Variants in CMTM8 observed in about 807,000 individuals in gnomAD.
CMTM8 encodes the protein CKLF-like MARVEL transmembrane domain-containing protein 8.
Under a neutral mutation model 18.6 loss-of-function variants are expected in CMTM8, and 12 were observed. That is an observed-to-expected ratio of 0.65 (90% CI 0.41 to 1.05). The LOEUF (loss-of-function observed/expected upper bound fraction) is 1.05. Ranked by LOEUF, CMTM8 falls within the 50% of genes least tolerant of loss-of-function variation. The pLI, the probability that CMTM8 is intolerant of heterozygous loss-of-function variation, is 0.00. For synonymous variants in CMTM8, 87 were observed against 90.6 expected (o/e 0.96, Z 0.23); for missense variants, 217 against 227.2 (o/e 0.95, Z 0.29).
intron 1 of CMTM8, among the ~76,000 whole-genome samples, chr3:32,294,784 G>A (rs1985705): frequency 0.18 from 27,070 of 152,136 alleles, 2,423 homozygotes; most frequent in South Asian, 0.26. Context: ...GCCAGATGCG[G>A]TGGCTCACAC....
At position 32,238,797 on chromosome 3, in the gene CMTM8, AGAG is replaced by A; in HGVS notation, c.-174_-172del. On this transcript the variant is annotated 5_prime_UTR_variant, in exon 1 of 4. Coordinates refer to ENST00000307526, the MANE Select transcript of CMTM8 (RefSeq NM_178868.5). ...CGAGGCGCTAGGGGCACCGCGCACT[AGAG>A]GGACACCCGCCGCGCCTGGACAGCC... 1 of 369,462 alleles carries A rather than the reference AGAG, an allele frequency of 2.7e-6. No homozygotes were observed. The highest frequency in any genetic ancestry group is 4.6e-6 in the Non-Finnish European group (1 of 216,292). 22.9% of individuals were successfully genotyped at this position (369,462 alleles called of 1,614,324 possible). A position where few individuals can be genotyped will look rare whatever the true frequency, so the allele number is the denominator to read the frequency against.
chr3:32,309,682 G>A (rs1695785314), intron 1 of CMTM8, among the ~76,000 whole-genome samples: 1 of 152,084 alleles, frequency 6.6e-6, no homozygotes, highest in African/African-American at 2.4e-5. Flanking sequence ...GAACCTAGGT[G>A]TCTCACTTTT....
chr3:32,347,283 T>G (rs898498272), intron 1 of CMTM8, among the ~76,000 whole-genome samples: 5 of 131,232 alleles, frequency 3.8e-5, no homozygotes, highest in African/African-American at 1.3e-4. Context: ...TGGTTTTTGG[T>G]TTTTTTTGCT....
At chr3:32,366,549 T>A (rs967083632) in intron 2 of CMTM8, among the ~76,000 whole-genome samples, 1 of 152,206 alleles carries the variant, frequency 6.6e-6, no homozygotes, top group Non-Finnish European at 1.5e-5. Flanking sequence ...TCCTCAAAGA[T>A]GTTCGTTGCA....
At position 32,335,964 on chromosome 3, in the gene CMTM8, G is replaced by A. The variant is rs535347432; in HGVS notation, c.148-21409G>A. 1.1e-4 allele frequency among the ~76,000 whole-genome samples: 17 copies of A among 152,286 alleles called. No homozygotes were observed. In the East Asian group the frequency reaches 2.5e-3, roughly 23 times the overall value. On this transcript the variant is annotated intron_variant, in intron 1 of 3. Transcript: ENST00000307526. ...TGGACCGAGGGAATGACAGACTCCA[G>A]AAAGCAGCCCTGACCAAGTGGGAGA...
intron 2 of CMTM8, among the ~76,000 whole-genome samples, chr3:32,367,501 G>A (rs568803359): frequency 2.8e-4 from 42 of 152,348 alleles, no homozygotes; most frequent in Admixed American, 1.2e-3. Context: ...AGCTGCGGCT[G>A]AGGGCCAGGG....
intron 1 of CMTM8, among the ~76,000 whole-genome samples, chr3:32,324,613 C>T (rs551045606): frequency 1.3e-4 from 20 of 152,282 alleles, no homozygotes; most frequent in Middle Eastern, 3.4e-3. Flanking sequence ...GGAATTATTA[C>T]TGTTAAACTT....
In CMTM8 at chr3:32,344,213, A is replaced by G. The variant is rs571880952; in HGVS notation, c.148-13160A>G. On this transcript the variant is annotated intron_variant, in intron 1 of 3. Coordinates refer to ENST00000307526, the MANE Select transcript of CMTM8 (RefSeq NM_178868.5). ...AAATCTAATGAGGTATTTCAGAGGTATGCTGAGATCTCACCAGAACAATGC... is the reference window on the plus strand; with the variant it reads ...AAATCTAATGAGGTATTTCAGAGGTGTGCTGAGATCTCACCAGAACAATGC... Among the ~76,000 whole-genome samples the G allele has an allele frequency of 8.5e-5, 13 of 152,348 alleles. No homozygotes were observed. The South Asian group carries it at 2.7e-3, about 32-fold the overall frequency.
chr3:32,367,276 A>G (rs1697056451), intron 2 of CMTM8, among the ~76,000 whole-genome samples: 1 of 152,212 alleles, frequency 6.6e-6, no homozygotes, highest in East Asian at 1.9e-4. Context: ...CGGGACTTAC[A>G]TATCTTCTCT....
At chr3:32,243,250 G>A (rs1701966087) in intron 1 of CMTM8, among the ~76,000 whole-genome samples, 1 of 151,716 alleles carries the variant, frequency 6.6e-6, no homozygotes, top group Non-Finnish European at 1.5e-5. Flanking sequence ...TACATTGTTG[G>A]TCAGGCGTGG....
chr3:32,362,352 T>G (rs2125602644), intron 2 of CMTM8, among the ~76,000 whole-genome samples: 1 of 152,314 alleles, frequency 6.6e-6, no homozygotes, highest in South Asian at 2.1e-4. Context: ...CGGCAGTTAC[T>G]ATTTCTTAAG....
At chr3:32,271,895 G>A (rs1286110291) in intron 1 of CMTM8, among the ~76,000 whole-genome samples, 4 of 152,104 alleles carry the variant, frequency 2.6e-5, no homozygotes, top group African/African-American at 9.7e-5. Context: ...GTATTTTCTT[G>A]TTGTTTAGTG....
chr3:32,355,342 C>G (rs575944509), intron 1 of CMTM8, among the ~76,000 whole-genome samples: 1 of 152,314 alleles, frequency 6.6e-6, no homozygotes, highest in East Asian at 1.9e-4. Context: ...TCCAACAGAA[C>G]AAGTCCAACC....
At chr3:32,278,631 CCTT>C (rs1702556566) in intron 1 of CMTM8, among the ~76,000 whole-genome samples, 1 of 152,294 alleles carries the variant, frequency 6.6e-6, no homozygotes, top group East Asian at 1.9e-4. Flanking sequence ...CTGGCAAACT[CCTT>C]CTCAGGATAA....
chr3:32,259,255 G>C (rs1702220069), intron 1 of CMTM8: 1 of 613,360 alleles, frequency 1.6e-6, no homozygotes. Context: ...GAAGAGCCTG[G>C]AGACCGTGAA....
At chr3:32,288,989 T>C (rs73824655) in intron 1 of CMTM8, among the ~76,000 whole-genome samples, 2,171 of 152,276 alleles carry the variant, frequency 0.014, 55 homozygotes, top group African/African-American at 0.049. Context: ...ATGTGGTACT[T>C]TGTGTCTTGC....
intron 1 of CMTM8, among the ~76,000 whole-genome samples, chr3:32,335,446 G>T (rs911588151): frequency 6.6e-6 from 1 of 152,202 alleles, no homozygotes; most frequent in African/African-American, 2.4e-5. Flanking sequence ...CAGCTGGCCT[G>T]GGGAAAAGGC....
chr3:32,338,815 G>A (rs191928156), intron 1 of CMTM8, among the ~76,000 whole-genome samples: 45 of 152,326 alleles, frequency 3.0e-4, no homozygotes, highest in Admixed American at 1.9e-3. Context: ...CAGGATCAAC[G>A]TGGCTGAGCA....
intron 1 of CMTM8, among the ~76,000 whole-genome samples, chr3:32,315,176 C>T (rs539648540): frequency 6.6e-6 from 1 of 150,576 alleles, no homozygotes; most frequent in Admixed American, 6.6e-5. Flanking sequence ...GTCACTCAGG[C>T]TGGAGTGCAG....
Sources: allele counts gnomAD v4.1 joint callset (sites outside exome capture counted in the v4.1 genomes callset), GRCh38; gene constraint gnomAD v4.1.1; transcripts MANE v1.5; gene names NCBI Gene and HGNC (gene_info 2026-07-23, HGNC 2026-07-21).